Variants in RUVBL1 observed in about 807,000 individuals in gnomAD.
RUVBL1 encodes the protein ruvB-like 1.
Under a neutral mutation model 52.4 loss-of-function variants are expected in RUVBL1, and 4 were observed. The observed-to-expected ratio is 0.08, with a 90% confidence interval of 0.04 to 0.17. The LOEUF is 0.17. RUVBL1 is among the 10% of genes least tolerant of loss of function. The pLI, the probability that RUVBL1 is intolerant of heterozygous loss-of-function variation, is 1.00. For synonymous variants in RUVBL1, 217 were observed against 214.4 expected (o/e 1.01, Z -0.10); for missense variants, 298 against 572.8 (o/e 0.52, Z 4.90).
intron 1 of RUVBL1, among the ~76,000 whole-genome samples, chr3:128,142,623 C>T (rs1478207445): frequency 1.3e-5 from 2 of 152,120 alleles, no homozygotes; most frequent in African/African-American, 2.4e-5. Flanking sequence ...GTTAGGGCCA[C>T]GTTCCTTTCC....
At chr3:128,151,508 T>C (rs1232385690) in intron 1 of RUVBL1, among the ~76,000 whole-genome samples, 6 of 152,118 alleles carry the variant, frequency 3.9e-5, no homozygotes, top group African/African-American at 1.4e-4. Context: ...AAAGCTCTTA[T>C]TACCTATTTA....
At chr3:128,134,330 G>A (rs1025449305) in intron 1 of RUVBL1, among the ~76,000 whole-genome samples, 31 of 151,868 alleles carry the variant, frequency 2.0e-4, no homozygotes, top group African/African-American at 7.3e-4. Flanking sequence ...GGGCGCGGTG[G>A]TAGGCGCCTG....
chr3:128,121,396 C>G (rs1943643923), intron 1 of RUVBL1, among the ~76,000 whole-genome samples: 1 of 151,262 alleles, frequency 6.6e-6, no homozygotes, highest in Admixed American at 6.6e-5. Flanking sequence ...ACGCCCGGCC[C>G]AGATGCTATA....
At chr3:128,146,424 G>A (rs1559839227) in intron 1 of RUVBL1, among the ~76,000 whole-genome samples, 1 of 151,844 alleles carries the variant, frequency 6.6e-6, no homozygotes, top group Non-Finnish European at 1.5e-5. Context: ...GTGTCTCTGT[G>A]CGTGTGCACG....
At chr3:128,129,918 A>G (rs1943848835) in intron 1 of RUVBL1, among the ~76,000 whole-genome samples, 1 of 152,198 alleles carries the variant, frequency 6.6e-6, no homozygotes, top group African/African-American at 2.4e-5. Context: ...AAGATGAAAA[A>G]GTTCTGGAGA....
exon 1 of RUVBL1, chr3:128,153,627 G>A: frequency 6.3e-7 from 1 of 1,597,296 alleles, no homozygotes. Context: ...ACAAGCAGCC[G>A]CAGAGCCGCG....
chr3:128,080,391 C>A (rs1365043849), downstream of RUVBL1, among the ~76,000 whole-genome samples: 1 of 152,200 alleles, frequency 6.6e-6, no homozygotes, highest in Non-Finnish European at 1.5e-5. Flanking sequence ...ATAGTGACTT[C>A]CTTCCAAAGA....
intron 1 of RUVBL1, among the ~76,000 whole-genome samples, chr3:128,145,156 G>GATATTATTATTA (rs1944084247): frequency 1.3e-5 from 2 of 152,190 alleles, no homozygotes; most frequent in African/African-American, 2.4e-5. Flanking sequence ...CACAAACTCT[G>GATATTATTATTA]ATATAGCACT....
At position 128,081,385 on chromosome 3, in the gene RUVBL1, C is replaced by T. The variant is rs760657332; in HGVS notation, c.1236G>A (p.Pro412=). The part of the protein sequence containing the change: ...TLRYSVQLLT[P]ANLLAKINGK... Reference sequence around the variant, plus strand: ...CGTTGATTTTAGCAAGCAAGTTGGCCGGGGTCAGCAGCTGCACTGAGTACC... The same window carrying T: ...CGTTGATTTTAGCAAGCAAGTTGGCTGGGGTCAGCAGCTGCACTGAGTACC... Residue 412 remains proline (P), a synonymous_variant, in exon 11 of 11, where the codon CCG becomes CCA. Coordinates refer to ENST00000322623, the MANE Select transcript of RUVBL1 (RefSeq NM_003707.3). This position sits in a 1 kb window ranked among gnomAD's most constrained non-coding sequence, Gnocchi z 4.8. 3.1e-6 allele frequency: 5 copies of T among 1,614,074 alleles called. No individual in the cohort carries two copies. The highest frequency in any genetic ancestry group is 1.1e-5 in the South Asian group (1 of 91,076).
intron 9 of RUVBL1, among the ~76,000 whole-genome samples, chr3:128,073,451 C>G (rs1942226733): frequency 6.6e-6 from 1 of 152,176 alleles, no homozygotes; most frequent in Non-Finnish European, 1.5e-5. Flanking sequence ...GCCCCATGGC[C>G]TGGGGAAGAG....
intron 7 of RUVBL1, among the ~76,000 whole-genome samples, chr3:128,098,564 T>C (rs1943036670): frequency 2.6e-5 from 4 of 152,132 alleles, no homozygotes; most frequent in Non-Finnish European, 5.9e-5. Context: ...CCCTGTGCTC[T>C]ACTAGGGAGG....
chr3:128,088,252 A>T (rs1576445820), intron 8 of RUVBL1, among the ~76,000 whole-genome samples: 1 of 149,568 alleles, frequency 6.7e-6, no homozygotes, highest in South Asian at 2.1e-4. Context: ...ACAGAGTGAG[A>T]CTCTGTTCCA....
In RUVBL1 at chr3:128,072,554, A is replaced by G. The variant is rs111598980; in HGVS notation, c.940-7334T>C. ...CTCAGCACTGTGTTTTGAGACTGCT[A>G]GGACACATGTGCAGCCAGGTCTGCC... On this transcript the variant is annotated intron_variant, in intron 9 of 9. Coordinates refer to the RUVBL1 transcript ENST00000464873. 8.7e-4 allele frequency among the ~76,000 whole-genome samples: 133 copies of G among 152,310 alleles called. 1 individual carries two copies. Among genetic ancestry groups the G allele is most frequent in the African/African-American group, 3.1e-3 (128 of 41,556 alleles).
chr3:128,085,504 G>A (rs1220619700), intron 9 of RUVBL1, among the ~76,000 whole-genome samples: 1 of 152,214 alleles, frequency 6.6e-6, no homozygotes, highest in African/African-American at 2.4e-5. Context: ...CAACCTGGCA[G>A]TCACCCTTGC....
chr3:128,131,889 A>G (rs1039476792), intron 1 of RUVBL1, among the ~76,000 whole-genome samples: 1 of 152,208 alleles, frequency 6.6e-6, no homozygotes, highest in South Asian at 2.1e-4. Flanking sequence ...CAGGAAACCA[A>G]ATTGAAAAAC....
chr3:128,106,376 C>T (rs866677184), intron 3 of RUVBL1, among the ~76,000 whole-genome samples: 1 of 152,148 alleles, frequency 6.6e-6, no homozygotes, highest in Non-Finnish European at 1.5e-5. Context: ...TCATTACATG[C>T]TTTTGCATAT....
chr3:128,065,205 C>A, exon 10 of RUVBL1: 1 of 782,156 alleles, frequency 1.3e-6, no homozygotes, highest in Non-Finnish European at 2.2e-6. Flanking sequence ...CAAGCATGTT[C>A]ATTGAGTCAT....
chr3:128,078,735 C>T (rs1246883936), downstream of RUVBL1: 1 of 152,206 alleles, frequency 6.6e-6, no homozygotes, highest in Non-Finnish European at 1.5e-5. Context: ...TTCCTCCCCA[C>T]CAGGGTCTGT....
At chr3:128,121,601 TCACGAG>T (rs1374283828) in intron 1 of RUVBL1, among the ~76,000 whole-genome samples, 2 of 149,300 alleles carry the variant, frequency 1.3e-5, no homozygotes, top group Admixed American at 1.3e-4. Flanking sequence ...TCCCAGCTAC[TCACGAG>T]GCTGAGGCAG....
Sources: gnomAD v4.1 joint callset for allele counts (sites outside exome capture counted in the v4.1 genomes callset) on GRCh38, gnomAD v4.1.1 for gene constraint, Gnocchi (gnomAD v3.1) non-coding constraint, MANE v1.5 for transcripts, NCBI Gene and HGNC (gene_info 2026-07-23, HGNC 2026-07-21) for gene names.